Variants in HEXB observed in about 807,000 individuals in gnomAD.
The protein encoded by HEXB is hexosaminidase subunit beta, also known as beta-hexosaminidase subunit beta.
In HEXB, 51 loss-of-function variants were observed where a neutral mutation model predicts 71.2. The observed-to-expected ratio is 0.72, with a 90% CI of 0.57 to 0.90. HEXB has a LOEUF of 0.90. Ranked by LOEUF, HEXB falls within the 40% of genes least tolerant of loss-of-function variation. The pLI is 0.00. For synonymous variants in HEXB, 266 were observed against 249.3 expected (o/e 1.07, Z -0.63); for missense variants, 617 against 677.0 (o/e 0.91, Z 0.98).
chr5:74,715,671 G>A lies in HEXB; in HGVS notation c.1063G>A (p.Glu355Lys). 6.3e-7 allele frequency: 1 copy of A among 1,599,184 alleles called. No homozygotes were observed. Among genetic ancestry groups the A allele is most frequent in the Non-Finnish European group, 8.6e-7 (1 of 1,167,502 alleles). The change falls in exon 8 of 14, where the codon GAA (glutamate) becomes AAA (lysine). Residue 355 changes from glutamate (E) to lysine (K), a missense_variant. Glu to Lys is a moderately conservative substitution (Grantham distance 56). Coordinates refer to ENST00000261416, the MANE Select transcript of HEXB (RefSeq NM_000521.4). ...TCAATTCATTCATTTGGGAGGAGAT[G>A]AAGTGGAATTTAAATGTTGGTAAGA... ...PDQFIHLGGD[E>K]VEFKCWESNP...
rs145267466 is a variant in HEXB, at chr5:74,669,825, A to G, written c.-376-19503A>G. On this transcript the variant is annotated intron_variant, in intron 1 of 13. Coordinates refer to the HEXB transcript ENST00000511181. Reference sequence around the variant, plus strand: ...AAAAGTCATATCTCAATTTGGCTGAACACTGGGGGAAATAAGTAAGAGACT... The same window carrying G: ...AAAAGTCATATCTCAATTTGGCTGAGCACTGGGGGAAATAAGTAAGAGACT... Among the ~76,000 whole-genome samples, 391 of 152,336 alleles carry G rather than the reference A, an allele frequency of 2.6e-3. 2 individuals are homozygous for G. The highest frequency in any genetic ancestry group is 8.9e-3 in the African/African-American group (371 of 41,578).
chr5:74,649,617 A>G (rs1748066267), intron 1 of HEXB, among the ~76,000 whole-genome samples: 1 of 152,132 alleles, frequency 6.6e-6, no homozygotes, highest in African/African-American at 2.4e-5. Flanking sequence ...TACCCAGTGG[A>G]TTTCTAAGAA....
intron 7 of HEXB, among the ~76,000 whole-genome samples, chr5:74,714,409 G>C (rs1749625705): frequency 6.6e-6 from 1 of 152,204 alleles, no homozygotes; most frequent in African/African-American, 2.4e-5. Context: ...TCATAGATGA[G>C]GTAACACTTA....
chr5:74,691,623 G>A (rs946496700), intron 2 of HEXB, among the ~76,000 whole-genome samples: 3 of 152,176 alleles, frequency 2.0e-5, no homozygotes, highest in Non-Finnish European at 2.9e-5. Context: ...AGGAACACAC[G>A]CATAAAGCAA....
At chr5:74,713,710 C>A in intron 7 of HEXB, 75 bp downstream of exon 7, 1 of 1,252,702 alleles carries the variant, frequency 8.0e-7, no homozygotes, top group Non-Finnish European at 1.2e-6. Context: ...GTCACCCAGG[C>A]TGGAGTGCAG....
rs1279785377 is a variant in HEXB, at chr5:74,685,550, C to G, written c.290C>G (p.Ala97Gly). 1.9e-6 allele frequency: 3 copies of G among 1,555,158 alleles called. No individual in the cohort carries two copies. The South Asian group carries it at 3.5e-5, about 18-fold the overall frequency. ...CCCTCCTGCACCCTGCTGGAGGAAGCGTTTCGACGGTGAGCGCTCCCGGCC... is the reference window on the plus strand; with the variant it reads ...CCCTCCTGCACCCTGCTGGAGGAAGGGTTTCGACGGTGAGCGCTCCCGGCC... Reference protein sequence around the residue: ...AGPSCTLLEEAFRRYHGYIFG... With the variant: ...AGPSCTLLEEGFRRYHGYIFG... Residue 97 changes from alanine (A) to glycine (G), a missense_variant, in exon 1 of 14, where the codon GCG (alanine) becomes GGG (glycine). By Grantham distance (60) the Ala-to-Gly change is moderately conservative (BLOSUM62 0). Transcript: ENST00000261416.
At chr5:74,679,544 T>C (rs1055141341) in intron 1 of HEXB, among the ~76,000 whole-genome samples, 1 of 152,102 alleles carries the variant, frequency 6.6e-6, no homozygotes, top group African/African-American at 2.4e-5. Context: ...CTCATGCCTA[T>C]AATTCCAGCA....
Position 74,715,643 on chromosome 5 carries a change from A to C in HEXB, c.1035A>C (p.Pro345=), listed in dbSNP as rs202227927. 2.5e-5 allele frequency: 40 copies of C among 1,610,716 alleles called. No homozygotes were observed. In the East Asian group the frequency reaches 8.5e-4, roughly 34 times the overall value. The change falls in exon 8 of 14, where the codon CCA becomes CCC. Residue 345 remains proline, a synonymous_variant. Transcript: ENST00000261416. ...TFFKEISEVF[P]DQFIHLGGDE... is the part of the protein sequence containing the mutation. ...TCAAAGAAATTAGTGAGGTGTTTCC[A>C]GATCAATTCATTCATTTGGGAGGAG...
At chr5:74,665,242 A>C (rs1034405715) in intron 1 of HEXB, among the ~76,000 whole-genome samples, 28 of 152,282 alleles carry the variant, frequency 1.8e-4, no homozygotes, top group Non-Finnish European at 5.9e-5. Flanking sequence ...AAAGCAATAT[A>C]GGAAGCATGG....
chr5:74,720,826 A>G, intron 13 of HEXB, 79 bp downstream of exon 13: 1 of 1,113,358 alleles, frequency 9.0e-7, no homozygotes, highest in South Asian at 1.3e-5. Context: ...ATAGAAATGT[A>G]TGTTACCTAA....
Position 74,641,459 on chromosome 5 carries a change from C to G in HEXB, c.-377+901C>G, listed in dbSNP as rs115522085. 0.026 allele frequency: 3,993 copies of G among 152,422 alleles called. 191 individuals carry two copies. The highest frequency in any genetic ancestry group is 0.092 in the African/African-American group (3,828 of 41,574). The allele number at this position is 152,422 out of a possible 1,614,324, so 9.4% of individuals were successfully genotyped here. A position where few individuals can be genotyped will look rare whatever the true frequency, so the allele number is the denominator to read the frequency against. On this transcript the variant is annotated intron_variant, in intron 1 of 13. Coordinates refer to the HEXB transcript ENST00000511181. This position sits in a 1 kb window ranked among gnomAD's most constrained non-coding sequence, Gnocchi z 4.1. ...CAGGCGACTGCAGGGGCAGCCGGGG[C>G]GCAGTCCTGCGGGGCGCGCACCACG...
chr5:74,646,806 A>G (rs1322728067), intron 1 of HEXB, among the ~76,000 whole-genome samples: 2 of 152,094 alleles, frequency 1.3e-5, no homozygotes, highest in Non-Finnish European at 2.9e-5. Flanking sequence ...TGACCTCGTG[A>G]TACACCCACC....
intron 9 of HEXB, among the ~76,000 whole-genome samples, chr5:74,717,970 AAG>A (rs1308482154): frequency 6.6e-6 from 1 of 152,232 alleles, no homozygotes; most frequent in African/African-American, 2.4e-5. Context: ...ATAAAATTGT[AAG>A]AGATTGCTGT....
At chr5:74,689,824 T>C in intron 2 of HEXB, 1 of 247,980 alleles carries the variant, frequency 4.0e-6, no homozygotes, top group Non-Finnish European at 7.8e-6. Context: ...GCAGTAATTC[T>C]GTACATGTGC....
At chr5:74,649,451 AT>A (rs1748063409) in intron 1 of HEXB, among the ~76,000 whole-genome samples, 1 of 152,148 alleles carries the variant, frequency 6.6e-6, no homozygotes, top group South Asian at 2.1e-4. Flanking sequence ...ATTTCCTTTA[AT>A]CCCCACAGCA....
rs1246427217 is a variant in HEXB, at chr5:74,688,535, T to C, written c.300-793T>C. Among the ~76,000 whole-genome samples the C allele has an allele frequency of 3.3e-5, 5 of 152,206 alleles. No individual in the cohort carries two copies. The East Asian group carries it at 9.7e-4, about 29-fold the overall frequency. On this transcript the variant is annotated intron_variant, in intron 1 of 13. Transcript: ENST00000261416. ...ATTTTTAGTAGAGACTGTGTATTTT[T>C]AGTTTCACTATGTGGGCCGGGCTGG... is the stretch of plus-strand genomic sequence containing the variant.
Position 74,641,493 on chromosome 5 carries a change from A to T in HEXB, c.-377+935A>T, listed in dbSNP as rs1258215761. 6.6e-6 allele frequency: 1 copy of T among 152,330 alleles called. No homozygotes were observed. The highest frequency in any genetic ancestry group is 1.9e-4 in the East Asian group (1 of 5,186). 9.4% of individuals were successfully genotyped at this position (152,330 alleles called of 1,614,324 possible). ...GCGGGGCGCGCACCACGTGCTTTTC[A>T]GCCAATCGCCGCGGCCGCTTGATTC... On this transcript the variant is annotated intron_variant, in intron 1 of 13. Coordinates refer to the HEXB transcript ENST00000511181. The surrounding 1 kb of genome is among the most constrained non-coding windows in gnomAD (Gnocchi z 4.1).
At position 74,718,271 on chromosome 5, in the gene HEXB, T is replaced by A; in HGVS notation, c.1170-20T>A. 7.0e-7 allele frequency: 1 copy of A among 1,435,868 alleles called. No individual in the cohort carries two copies. Among genetic ancestry groups the A allele is most frequent in the Non-Finnish European group, 9.8e-7 (1 of 1,017,620 alleles). The allele number at this position is 1,435,868 out of a possible 1,614,324, so 88.9% of individuals were successfully genotyped here. A position where few individuals can be genotyped will look rare whatever the true frequency, so the allele number is the denominator to read the frequency against. On this transcript the variant is annotated intron_variant, in intron 9 of 13. Transcript: ENST00000261416. Reference sequence around the variant, plus strand: ...TTAAGCTTATGATCTAAAATAACTATAATTTTTTTGTAATACTAGGGTTTT... The same window carrying A: ...TTAAGCTTATGATCTAAAATAACTAAAATTTTTTTGTAATACTAGGGTTTT...
At chr5:74,704,534 C>A (rs1027101838) in intron 5 of HEXB, among the ~76,000 whole-genome samples, 6 of 152,106 alleles carry the variant, frequency 3.9e-5, no homozygotes, top group African/African-American at 1.4e-4. Flanking sequence ...AATTTCAGAA[C>A]TGTGGGAATT....
Sources: allele counts gnomAD v4.1 joint callset (sites outside exome capture counted in the v4.1 genomes callset), GRCh38; gene constraint gnomAD v4.1.1; non-coding constraint Gnocchi (gnomAD v3.1); transcripts MANE v1.5; gene names NCBI Gene and HGNC (gene_info 2026-07-23, HGNC 2026-07-21).